KCNMB3: variants seen among roughly 807,000 people sequenced by gnomAD.
The protein encoded by KCNMB3 is calcium-activated potassium channel subunit beta-3.
A neutral mutation model predicts 11.9 loss-of-function variants in KCNMB3; 18 were observed. That is an observed-to-expected ratio of 1.51 (90% CI 1.04 to 2.23). The LOEUF (loss-of-function observed/expected upper bound fraction) is 2.23. Ranked by LOEUF, KCNMB3 falls within the 30% of genes most tolerant of loss-of-function variation. The probability of loss-of-function intolerance (pLI) is 0.00; values close to 1 mark genes in which losing one functional copy is unlikely to be tolerated. For missense variants in KCNMB3, 247 were observed against 329.4 expected, an observed-to-expected ratio of 0.75 and a Z score of 1.94; for synonymous variants, 78 against 119.2, an observed-to-expected ratio of 0.65 and a Z score of 2.25.
intron 2 of KCNMB3, 36 bp downstream of exon 2, chr3:179,244,459 G>A: frequency 1.3e-6 from 2 of 1,559,870 alleles, no homozygotes; most frequent in Non-Finnish European, 1.8e-6. Context: ...GCAGGGAAGG[G>A]TTGCTGTCAT....
chr3:179,251,808 G>A (rs551295310), upstream of KCNMB3: 946 of 177,442 alleles, frequency 5.3e-3, 8 homozygotes, highest in African/African-American at 0.021. Context: ...AACCTCCTCC[G>A]CCTCCCAGGT....
chr3:179,255,016 T>C (rs904533814), upstream of KCNMB3, among the ~76,000 whole-genome samples: 11 of 151,886 alleles, frequency 7.2e-5, no homozygotes, highest in African/African-American at 2.4e-4. Flanking sequence ...AATACAAAAA[T>C]TAGCCAGGTG....
At chr3:179,240,592 G>A (rs536886107), downstream of KCNMB3, 3 of 152,182 alleles carry the variant, frequency 2.0e-5, no homozygotes, top group African/African-American at 7.2e-5. Flanking sequence ...TAGTATTTCT[G>A]AGCAATTAAG....
intron 1 of KCNMB3, among the ~76,000 whole-genome samples, chr3:179,245,171 C>T (rs1220047315): frequency 6.6e-6 from 1 of 152,164 alleles, no homozygotes; most frequent in Non-Finnish European, 1.5e-5. Flanking sequence ...TTCACCCTCA[C>T]TCAGGAATCT....
intron 1 of KCNMB3, among the ~76,000 whole-genome samples, chr3:179,263,745 T>C (rs749561265): frequency 6.6e-5 from 10 of 151,718 alleles, no homozygotes; most frequent in Non-Finnish European, 5.9e-5. Context: ...TCCTGCTCTA[T>C]ATTAGGTTTT....
intron 2 of KCNMB3, among the ~76,000 whole-genome samples, chr3:179,243,966 G>C (rs1202964351): frequency 6.6e-6 from 1 of 152,144 alleles, no homozygotes; most frequent in Non-Finnish European, 1.5e-5. Flanking sequence ...GATGCTTAAA[G>C]ACAATAAAAT....
At chr3:179,261,338 C>CG (rs2108457449) in intron 1 of KCNMB3, 1 of 1,177,824 alleles carries the variant, frequency 8.5e-7, no homozygotes, top group African/African-American at 1.6e-5. Context: ...AGCCCCCCCC[C>CG]GCGGGCCGGG....
intron 1 of KCNMB3, chr3:179,259,836 C>T (rs1726146479): frequency 1.2e-6 from 2 of 1,610,464 alleles, no homozygotes; most frequent in Middle Eastern, 3.3e-4. Context: ...GTCTACTGTA[C>T]TTGGACCTGT....
chr3:179,248,548 G>A (rs1416032244), intron 1 of KCNMB3, among the ~76,000 whole-genome samples: 1 of 151,818 alleles, frequency 6.6e-6, no homozygotes, highest in East Asian at 1.9e-4. Flanking sequence ...GGCAACATAG[G>A]GGGATCCCAT....
At chr3:179,258,332 T>A (rs1161089494) in intron 1 of KCNMB3, among the ~76,000 whole-genome samples, 1 of 152,206 alleles carries the variant, frequency 6.6e-6, no homozygotes, top group Admixed American at 6.5e-5. Flanking sequence ...TCCTACAAAG[T>A]AAATTCAAGT....
intron 1 of KCNMB3, chr3:179,261,162 G>A (rs1726193641): frequency 7.5e-7 from 1 of 1,328,240 alleles, no homozygotes; most frequent in Non-Finnish European, 1.0e-6. Context: ...GGGATCTCAC[G>A]AGCCTCCGCG....
Position 179,250,873 on chromosome 3 carries a change from C to T in KCNMB3, c.118G>A (p.Asp40Asn). 1 of 1,614,188 alleles carries T rather than the reference C, an allele frequency of 6.2e-7. No homozygotes were observed. Among genetic ancestry groups the T allele is most frequent in the Non-Finnish European group, 8.5e-7 (1 of 1,180,034 alleles). The part of the protein sequence containing the change: ...ETDYSDGDPL[D>N]VHKRLPSSAG... ...CTGGATGGCAGCCTCTTGTGCACAT[C>T]TAGTGGGTCTCCATCACTGTAGTCT... Residue 40 changes from aspartate (D) to asparagine (N), a missense_variant, in exon 1 of 3, where the codon GAT becomes AAT. Asp to Asn is a conservative substitution (Grantham distance 23). Transcript: ENST00000392685.
chr3:179,259,109 T>C, intron 1 of KCNMB3: 1 of 1,590,316 alleles, frequency 6.3e-7, no homozygotes, highest in East Asian at 2.2e-5. Flanking sequence ...CCCCCGGCTC[T>C]CCTCCTGGTG....
intron 1 of KCNMB3, chr3:179,259,129 C>A: frequency 6.3e-7 from 1 of 1,579,928 alleles, no homozygotes. Context: ...GCCAACAAGT[C>A]ATGGTTTTTT....
At chr3:179,261,646 C>A (rs1368028814) in intron 1 of KCNMB3, among the ~76,000 whole-genome samples, 6 of 151,996 alleles carry the variant, frequency 3.9e-5, no homozygotes, top group Non-Finnish European at 8.8e-5. Context: ...AACTGTACCT[C>A]AAATTTTGAA....
At chr3:179,244,349 T>C in intron 2 of KCNMB3, 146 bp downstream of exon 2, 1 of 634,916 alleles carries the variant, frequency 1.6e-6, no homozygotes, top group East Asian at 2.7e-5. Flanking sequence ...AAGCTTCATT[T>C]ATCCTGATTT....
downstream of KCNMB3, chr3:179,241,671 T>G (rs1725462517): frequency 6.6e-6 from 1 of 152,222 alleles, no homozygotes; most frequent in East Asian, 1.9e-4. Flanking sequence ...TTCGGCTTAA[T>G]CAACCTGGAA....
chr3:179,263,800 C>CTTTTTTTTTTTT (rs60270913), intron 1 of KCNMB3, among the ~76,000 whole-genome samples: 84 of 59,970 alleles, frequency 1.4e-3, no homozygotes, highest in African/African-American at 2.7e-3. Flanking sequence ...TTTTTCTTTT[C>CTTTTTTTTTTTT]TTTTTTTTTT....
At chr3:179,262,825 T>G (rs1726262816) in intron 1 of KCNMB3, among the ~76,000 whole-genome samples, 1 of 152,306 alleles carries the variant, frequency 6.6e-6, no homozygotes, top group Admixed American at 6.5e-5. Flanking sequence ...CTAGATACAG[T>G]GTCGATTGGT....
Sources: allele counts gnomAD v4.1 joint callset (sites outside exome capture counted in the v4.1 genomes callset), GRCh38; gene constraint gnomAD v4.1.1; transcripts MANE v1.5; gene names NCBI Gene and HGNC (gene_info 2026-07-23, HGNC 2026-07-21).